FHIT: variants seen among roughly 807,000 people sequenced by gnomAD.
FHIT encodes fragile histidine triad diadenosine triphosphatase, also known as bis(5'-adenosyl)-triphosphatase.
A neutral mutation model predicts 17.9 loss-of-function variants in FHIT; 19 were observed. That is an observed-to-expected ratio of 1.06 (90% confidence interval 0.74 to 1.56). The LOEUF (loss-of-function observed/expected upper bound fraction) is 1.56, where lower values mean the gene tolerates loss of function less well. Ranked by LOEUF, FHIT falls within the 40% of genes most tolerant of loss-of-function variation. The pLI is 0.00. For synonymous variants in FHIT, 81 were observed against 69.7 expected, an observed-to-expected ratio of 1.16 and a Z score of -0.81; for missense variants, 248 against 189.2, an observed-to-expected ratio of 1.31 and a Z score of -1.82.
chr3:60,486,270 T>G (rs1386916028), intron 5 of FHIT, among the ~76,000 whole-genome samples: 1 of 152,210 alleles, frequency 6.6e-6, no homozygotes, highest in Non-Finnish European at 1.5e-5. Flanking sequence ...TTATTTTGTT[T>G]TTGTTTTTTA....
chr3:60,479,786 C>A (rs540464069), intron 5 of FHIT, among the ~76,000 whole-genome samples: 1 of 152,246 alleles, frequency 6.6e-6, no homozygotes, highest in Non-Finnish European at 1.5e-5. Flanking sequence ...TTGCATGCTC[C>A]TTATGAGAAT....
At chr3:59,969,775 C>G (rs2107378641) in intron 7 of FHIT, among the ~76,000 whole-genome samples, 1 of 152,074 alleles carries the variant, frequency 6.6e-6, no homozygotes, top group East Asian at 1.9e-4. Context: ...TTTCCAGCAG[C>G]CCCTCAAAAG....
intron 5 of FHIT, among the ~76,000 whole-genome samples, chr3:60,017,131 T>G (rs1214846455): frequency 6.6e-6 from 1 of 152,200 alleles, no homozygotes; most frequent in Non-Finnish European, 1.5e-5. Flanking sequence ...CCTAGCCTCT[T>G]ATTAAAACTG....
rs184261825 is a variant in FHIT at position 61,107,041 on chromosome 3, T to C, written c.-163-64942A>G. 2.1e-3 allele frequency among the ~76,000 whole-genome samples: 319 copies of C among 152,332 alleles called. 1 individual carries two copies. The highest frequency in any genetic ancestry group is 0.01 in the Middle Eastern group (3 of 294). On this transcript the variant is annotated intron_variant, in intron 2 of 9. Transcript: ENST00000492590. ...GAAAATAATACATGGTTATTAACCA[T>C]AGTCATTATGTTGTACAATAGATCT...
chr3:60,042,230 A>G (rs1701470970), intron 5 of FHIT, among the ~76,000 whole-genome samples: 2 of 152,248 alleles, frequency 1.3e-5, no homozygotes. Flanking sequence ...TGAGCTTGGA[A>G]AAAGCACACT....
intron 5 of FHIT, among the ~76,000 whole-genome samples, chr3:60,204,260 G>A (rs1250547648): frequency 6.6e-6 from 1 of 151,534 alleles, no homozygotes; most frequent in Non-Finnish European, 1.5e-5. Flanking sequence ...ATATGGAGAG[G>A]TATTTTATTT....
At chr3:60,272,205 G>C (rs568731446) in intron 5 of FHIT, among the ~76,000 whole-genome samples, 1 of 152,318 alleles carries the variant, frequency 6.6e-6, no homozygotes, top group East Asian at 1.9e-4. Flanking sequence ...AGTTAAGAGT[G>C]AGAGTTAAGT....
chr3:60,180,314 A>G (rs1049703217), intron 5 of FHIT, among the ~76,000 whole-genome samples: 7 of 152,222 alleles, frequency 4.6e-5, no homozygotes, highest in African/African-American at 1.7e-4. Flanking sequence ...CTGAAGTTAT[A>G]AAAAGGAGAA....
intron 4 of FHIT, among the ~76,000 whole-genome samples, chr3:60,801,485 A>C (rs1241117917): frequency 6.6e-6 from 1 of 152,224 alleles, no homozygotes; most frequent in Non-Finnish European, 1.5e-5. Context: ...TCCTACTGCT[A>C]TGCATGACAG....
intron 3 of FHIT, among the ~76,000 whole-genome samples, chr3:60,860,916 GATAC>G (rs1703765847): frequency 1.0e-5 from 1 of 96,144 alleles, no homozygotes; most frequent in Non-Finnish European, 2.1e-5. Flanking sequence ...ATGTATATAT[GATAC>G]ATATATACGT....
chr3:60,587,521 T>TA (rs146679068), intron 4 of FHIT, among the ~76,000 whole-genome samples: 17,025 of 151,710 alleles, frequency 0.11, 1,047 homozygotes, highest in Middle Eastern at 0.2. Context: ...AAATAAAATT[T>TA]AAAAAAAACT....
chr3:60,371,651 T>C (rs1199036383), intron 5 of FHIT, among the ~76,000 whole-genome samples: 1 of 152,178 alleles, frequency 6.6e-6, no homozygotes, highest in Non-Finnish European at 1.5e-5. Context: ...CTCTATGATG[T>C]AACTTAGAAA....
intron 4 of FHIT, among the ~76,000 whole-genome samples, chr3:60,691,017 G>A (rs1553699471): frequency 6.6e-6 from 1 of 152,052 alleles, no homozygotes; most frequent in African/African-American, 2.4e-5. Flanking sequence ...GTGTGTGAAG[G>A]ATTTTTTTTA....
At chr3:60,268,839 C>A (rs932392921) in intron 5 of FHIT, among the ~76,000 whole-genome samples, 4 of 151,970 alleles carry the variant, frequency 2.6e-5, no homozygotes, top group Non-Finnish European at 4.4e-5. Context: ...GGGAGATGAT[C>A]CTGGATTATC....
chr3:60,001,849 C>T (rs772206971), intron 7 of FHIT, among the ~76,000 whole-genome samples: 23 of 152,086 alleles, frequency 1.5e-4, no homozygotes, highest in African/African-American at 4.1e-4. Context: ...AACCTGATTA[C>T]GTCTGGGAAT....
intron 4 of FHIT, among the ~76,000 whole-genome samples, chr3:60,575,794 G>T (rs1175428197): frequency 1.3e-5 from 2 of 152,114 alleles, no homozygotes; most frequent in African/African-American, 2.4e-5. Context: ...AGTTGTGAAT[G>T]AAAGTATGAG....
Position 60,315,196 on chromosome 3 carries a change from C to T in FHIT, c.103+221664G>A, listed in dbSNP as rs145174446. Among the ~76,000 whole-genome samples, 337 of 152,236 alleles carry T rather than the reference C, an allele frequency of 2.2e-3. 3 individuals are homozygous for T. The highest frequency in any genetic ancestry group is 7.8e-3 in the African/African-American group (323 of 41,530). ...CTGCAGTAAGCTATTCATCCTAATG[C>T]CCTGTGGGAATCTCTCACCCACAAC... On this transcript the variant is annotated intron_variant, in intron 5 of 9. Coordinates refer to ENST00000492590, the MANE Select transcript of FHIT (RefSeq NM_002012.4).
At chr3:59,799,637 T>C (rs542193786) in intron 8 of FHIT, among the ~76,000 whole-genome samples, 2 of 152,288 alleles carry the variant, frequency 1.3e-5, no homozygotes, top group Admixed American at 6.5e-5. Context: ...ATAAACTTTA[T>C]TTTGGAGGGG....
intron 1 of FHIT, among the ~76,000 whole-genome samples, chr3:61,246,804 G>A (rs1195409765): frequency 6.6e-6 from 1 of 152,028 alleles, no homozygotes; most frequent in African/African-American, 2.4e-5. Flanking sequence ...CACGGCACAT[G>A]TATACCTATT....
Sources: allele counts gnomAD v4.1 joint callset (sites outside exome capture counted in the v4.1 genomes callset), GRCh38; gene constraint gnomAD v4.1.1; transcripts MANE v1.5; gene names NCBI Gene and HGNC (gene_info 2026-07-23, HGNC 2026-07-21).